SNX7: variants seen among roughly 807,000 people sequenced by gnomAD.
SNX7 encodes the protein sorting nexin-7.
SNX7 carries 35 observed loss-of-function variants against 48.4 expected under a neutral mutation model. The observed-to-expected ratio is 0.72, with a 90% CI of 0.55 to 0.96. SNX7 has a LOEUF of 0.96. Ranked by LOEUF, SNX7 falls within the 40% of genes least tolerant of loss-of-function variation. The pLI, the probability that SNX7 is intolerant of heterozygous loss-of-function variation, is 0.00. For missense variants in SNX7, 553 were observed against 548.9 expected, an observed-to-expected ratio of 1.01 and a Z score of -0.07; for synonymous variants, 190 against 190.2, an observed-to-expected ratio of 1.00 and a Z score of 0.01.
chr1:98,673,322 C>T (rs1172768669), intron 1 of SNX7, among the ~76,000 whole-genome samples: 3 of 152,166 alleles, frequency 2.0e-5, no homozygotes, highest in Admixed American at 2.0e-4. Context: ...GAATCCTGCT[C>T]TCCAAGTGTT....
intron 2 of SNX7, among the ~76,000 whole-genome samples, chr1:98,687,731 G>T (rs1017048885): frequency 6.6e-6 from 1 of 152,014 alleles, no homozygotes; most frequent in Non-Finnish European, 1.5e-5. Flanking sequence ...CCCAGTACTG[G>T]GTAATTTATA....
At chr1:98,701,788 C>T (rs1398772963) in intron 6 of SNX7, 29 bp from the exon 7 acceptor site, 26 of 1,464,628 alleles carry the variant, frequency 1.8e-5, no homozygotes, top group Non-Finnish European at 2.4e-5. Context: ...TAAGTACAGC[C>T]TATTTTATCT....
chr1:98,708,786 T>G (rs926648374), intron 7 of SNX7, among the ~76,000 whole-genome samples: 1 of 152,180 alleles, frequency 6.6e-6, no homozygotes, highest in Non-Finnish European at 1.5e-5. Context: ...TTCTCCTATT[T>G]ATATAAACTT....
intron 4 of SNX7, among the ~76,000 whole-genome samples, chr1:98,693,301 T>G (rs919923589): frequency 6.6e-6 from 1 of 152,190 alleles, no homozygotes; most frequent in Non-Finnish European, 1.5e-5. Context: ...TTCTACTTGT[T>G]TTTTCTTTTA....
chr1:98,754,367 C>G (rs114620310), intron 8 of SNX7, among the ~76,000 whole-genome samples: 1,817 of 152,102 alleles, frequency 0.012, 93 homozygotes, highest in Admixed American at 0.094. Flanking sequence ...TGGACAGCAT[C>G]CCCATGTCTT....
intron 2 of SNX7, among the ~76,000 whole-genome samples, chr1:98,688,491 C>G (rs1427828975): frequency 6.6e-6 from 1 of 152,072 alleles, no homozygotes; most frequent in African/African-American, 2.4e-5. Context: ...GAAAACAAAC[C>G]TATAAATGCC....
At chr1:98,732,160 T>C (rs965281371) in intron 7 of SNX7, among the ~76,000 whole-genome samples, 6 of 152,274 alleles carry the variant, frequency 3.9e-5, no homozygotes, top group South Asian at 2.1e-4. Context: ...ATTTTTGGCT[T>C]ACAATATTTT....
At chr1:98,679,945 C>G (rs187288422) in intron 1 of SNX7, among the ~76,000 whole-genome samples, 170 of 152,324 alleles carry the variant, frequency 1.1e-3, no homozygotes, top group Admixed American at 4.4e-3. Flanking sequence ...GCCCTCTTCT[C>G]ACAGCTCCAC....
chr1:98,694,113 G>A (rs562465871), intron 4 of SNX7, among the ~76,000 whole-genome samples: 1 of 152,288 alleles, frequency 6.6e-6, no homozygotes, highest in South Asian at 2.1e-4. Flanking sequence ...GCTCACGCCT[G>A]TAATCCCAGC....
intron 8 of SNX7, among the ~76,000 whole-genome samples, chr1:98,745,505 A>G (rs1409317899): frequency 6.6e-6 from 1 of 152,046 alleles, no homozygotes. Context: ...GCCTTCAGAA[A>G]AGAGCAGTCT....
chr1:98,749,981 GGTACTCTCTCTAAAA>G (rs1451287754), intron 8 of SNX7, among the ~76,000 whole-genome samples: 1 of 151,942 alleles, frequency 6.6e-6, no homozygotes, highest in Non-Finnish European at 1.5e-5. Flanking sequence ...TAATTATCAT[GGTACTCTCTCTAAAA>G]GTTGCTTTTT....
intron 1 of SNX7, among the ~76,000 whole-genome samples, chr1:98,681,282 A>G (rs976015421): frequency 6.6e-5 from 10 of 152,304 alleles, no homozygotes; most frequent in Non-Finnish European, 1.0e-4. Context: ...GTTTCCTCCC[A>G]TGACACATGG....
intron 7 of SNX7, among the ~76,000 whole-genome samples, chr1:98,727,735 A>G (rs1483495953): frequency 3.9e-5 from 6 of 152,142 alleles, no homozygotes; most frequent in African/African-American, 1.2e-4. Context: ...GAATTTCACA[A>G]TGCAACCATA....
chr1:98,749,791 A>G (rs995630783), intron 8 of SNX7, among the ~76,000 whole-genome samples: 1 of 152,152 alleles, frequency 6.6e-6, no homozygotes, highest in Admixed American at 6.6e-5. Context: ...AATAATTTTT[A>G]TAGATGATAA....
intron 8 of SNX7, among the ~76,000 whole-genome samples, chr1:98,747,648 T>C (rs943657581): frequency 6.6e-6 from 1 of 152,200 alleles, no homozygotes; most frequent in Admixed American, 6.6e-5. Context: ...CTCTTACACT[T>C]AATATAGTGT....
intron 7 of SNX7, among the ~76,000 whole-genome samples, chr1:98,723,606 C>T (rs1046306741): frequency 6.6e-5 from 10 of 152,062 alleles, no homozygotes; most frequent in African/African-American, 2.2e-4. Flanking sequence ...GGCTCACACC[C>T]GTTTTGGGAG....
At chr1:98,710,207 T>G (rs1652227710) in intron 7 of SNX7, among the ~76,000 whole-genome samples, 2 of 152,198 alleles carry the variant, frequency 1.3e-5, no homozygotes, top group African/African-American at 4.8e-5. Flanking sequence ...TTCAAAATTT[T>G]ACCAATGAAA....
chr1:98,680,874 C>G (rs1332401148), intron 1 of SNX7, among the ~76,000 whole-genome samples: 1 of 152,178 alleles, frequency 6.6e-6, no homozygotes, highest in Non-Finnish European at 1.5e-5. Context: ...ATTTTCCTGT[C>G]TTCATCTGAG....
chr1:98,661,573 G>A (rs1358313752), upstream of SNX7: 3 of 634,978 alleles, frequency 4.7e-6, no homozygotes, highest in Admixed American at 4.9e-5. Flanking sequence ...CGCCCGGCCC[G>A]GGCCAGCGCT....
Sources: allele counts gnomAD v4.1 joint callset (sites outside exome capture counted in the v4.1 genomes callset), GRCh38; gene constraint gnomAD v4.1.1; transcripts MANE v1.5; gene names NCBI Gene and HGNC (gene_info 2026-07-23, HGNC 2026-07-21).